Variants in SERP2 observed in about 807,000 individuals in gnomAD.
The protein encoded by SERP2 is stress associated endoplasmic reticulum protein family member 2, also known as stress-associated endoplasmic reticulum protein 2.
Under a neutral mutation model 9.1 loss-of-function variants are expected in SERP2, and 6 were observed. That is an observed-to-expected ratio of 0.66 (90% confidence interval 0.36 to 1.30). The LOEUF (loss-of-function observed/expected upper bound fraction) is 1.30. SERP2 is among the 50% of genes most tolerant of loss of function. The probability of loss-of-function intolerance (pLI) is 0.03; values close to 1 mark genes in which losing one functional copy is unlikely to be tolerated. For missense variants in SERP2, 58 were observed against 81.9 expected, an observed-to-expected ratio of 0.71 and a Z score of 1.13; for synonymous variants, 37 against 27.3, an observed-to-expected ratio of 1.35 and a Z score of -1.10.
In SERP2 at chr13:44,380,447, GC is replaced by G. The variant is rs1331193178; in HGVS notation, c.157+735del. On this transcript the variant is annotated intron_variant, in intron 2 of 2. Transcript: ENST00000379179. The stretch of plus-strand genomic sequence containing the variant: ...GGAGGCAGAAGGTCCACATCTTCCT[GC>G]TCAGGCTTAGGCCTCCCAGCAAGAC... Among the ~76,000 whole-genome samples the G allele has an allele frequency of 2.6e-5, 4 of 152,234 alleles. No homozygotes were observed. The East Asian group carries it at 7.7e-4, about 29-fold the overall frequency.
At position 44,382,124 on chromosome 13, in the gene SERP2, C is replaced by G. The variant is rs141320404; in HGVS notation, c.157+2411C>G. Among the ~76,000 whole-genome samples, 50 of 151,004 alleles carry G rather than the reference C, an allele frequency of 3.3e-4. 1 individual carries two copies. In the East Asian group the frequency reaches 9.5e-3, roughly 29 times the overall value. On this transcript the variant is annotated intron_variant, in intron 2 of 2. Transcript: ENST00000379179. The stretch of plus-strand genomic sequence containing the variant: ...ACTTTATGACTTTTTTTTTTATTCT[C>G]AAAGAAGAACGATTACTTCTATTAA...
At chr13:44,374,164 C>T in intron 1 of SERP2, 55 bp downstream of exon 1, 1 of 285,216 alleles carries the variant, frequency 3.5e-6, no homozygotes. Context: ...CGGGGTGGGG[C>T]GGAAGGTGGG....
intron 2 of SERP2, among the ~76,000 whole-genome samples, chr13:44,391,272 C>T (rs1051634829): frequency 3.3e-5 from 5 of 152,156 alleles, no homozygotes; most frequent in Non-Finnish European, 5.9e-5. Flanking sequence ...ACTTCCCCTT[C>T]GAAGACTGAG....
chr13:44,393,811 T>G (rs1458162395), intron 2 of SERP2, among the ~76,000 whole-genome samples: 1 of 152,192 alleles, frequency 6.6e-6, no homozygotes, highest in Non-Finnish European at 1.5e-5. Context: ...GAATTACAGT[T>G]AATATAATTA....
chr13:44,397,064 G>A (rs1010357541), intron 2 of SERP2, among the ~76,000 whole-genome samples: 4 of 152,208 alleles, frequency 2.6e-5, no homozygotes, highest in South Asian at 4.1e-4. Context: ...ATAAATCCCT[G>A]AGGCATCCAT....
In SERP2 at chr13:44,397,338, C is replaced by A. The variant is rs773849864; in HGVS notation, c.*26C>A. 3 of 1,583,718 alleles carry A rather than the reference C, an allele frequency of 1.9e-6. No individual in the cohort carries two copies. Among genetic ancestry groups the A allele is most frequent in the Non-Finnish European group, 8.7e-7 (1 of 1,152,568 alleles). On this transcript the variant is annotated 3_prime_UTR_variant, in exon 3 of 3. Coordinates refer to ENST00000379179, the MANE Select transcript of SERP2 (RefSeq NM_001010897.3). ...GAAAGCCAGGGATTTGACACCACCT[C>A]CCTCCCACTGGAGGCGGGAGGACAA...
At chr13:44,393,062 C>A (rs1049470016) in intron 2 of SERP2, among the ~76,000 whole-genome samples, 1 of 151,654 alleles carries the variant, frequency 6.6e-6, no homozygotes, top group South Asian at 2.1e-4. Flanking sequence ...AAGTGCCCAG[C>A]GGGGGTGAGC....
At chr13:44,373,757 G>C (rs1159892649), upstream of SERP2, 9 of 425,674 alleles carry the variant, frequency 2.1e-5, no homozygotes, top group Admixed American at 3.9e-4. This position sits in a 1 kb window ranked among gnomAD's most constrained non-coding sequence, Gnocchi z 4.8. Context: ...GGCCGCGCGG[G>C]GTAGGTGGCT....
intron 2 of SERP2, among the ~76,000 whole-genome samples, chr13:44,383,053 C>T (rs1240596438): frequency 2.0e-5 from 3 of 152,126 alleles, no homozygotes; most frequent in African/African-American, 7.2e-5. Context: ...GGTGATTCTG[C>T]ATGGGAACAC....
At chr13:44,396,788 G>A (rs1260941424) in intron 2 of SERP2, among the ~76,000 whole-genome samples, 1 of 152,234 alleles carries the variant, frequency 6.6e-6, no homozygotes, top group Non-Finnish European at 1.5e-5. Context: ...ACGCATGGAG[G>A]GTTCTAGGCA....
chr13:44,374,172 GGGGGCGGGGCC>G, intron 1 of SERP2, 63 bp downstream of exon 1: 104 of 801,026 alleles, frequency 1.3e-4, no homozygotes, highest in Non-Finnish European at 1.7e-4. Flanking sequence ...GGCGGAAGGT[GGGGGCGGGGCC>G]GGGCGGGTAG....
At chr13:44,394,624 AT>A (rs1016577681) in intron 2 of SERP2, among the ~76,000 whole-genome samples, 14 of 152,212 alleles carry the variant, frequency 9.2e-5, no homozygotes, top group African/African-American at 3.4e-4. Context: ...GAGAAGTAAT[AT>A]TTTTGAGCAT....
chr13:44,383,714 AT>A (rs146628198), intron 2 of SERP2, among the ~76,000 whole-genome samples: 2,397 of 137,408 alleles, frequency 0.017, 22 homozygotes, highest in Middle Eastern at 0.045. Flanking sequence ...TGCCCAGCTA[AT>A]TTTTTTTTTT....
At chr13:44,389,285 C>T (rs1229643609) in intron 2 of SERP2, among the ~76,000 whole-genome samples, 1 of 152,162 alleles carries the variant, frequency 6.6e-6, no homozygotes, top group Non-Finnish European at 1.5e-5. Flanking sequence ...AAACCACCTA[C>T]TAGCTATGTA....
chr13:44,391,494 G>T (rs1238497544), intron 2 of SERP2, among the ~76,000 whole-genome samples: 1 of 152,092 alleles, frequency 6.6e-6, no homozygotes, highest in East Asian at 1.9e-4. Flanking sequence ...AAAGAAAGAT[G>T]AGTTAATCAA....
rs760513486 is a variant in SERP2 at position 44,392,196 on chromosome 13, CAAA to C, written c.158-5061_158-5059del. 5.6e-4 allele frequency among the ~76,000 whole-genome samples: 20 copies of C among 35,980 alleles called. 1 individual carries two copies. Among genetic ancestry groups the C allele is most frequent in the East Asian group, 9.6e-4 (1 of 1,044 alleles). The allele number at this position is 35,980 out of a possible 152,430, so 23.6% of individuals were successfully genotyped here. ...CTGGTGACAGAGTGAGACTCTGTCT[CAAA>C]AAAAAAAAAAAAAAGCCCTGTGGTG... On this transcript the variant is annotated intron_variant, in intron 2 of 2. Coordinates refer to ENST00000379179, the MANE Select transcript of SERP2 (RefSeq NM_001010897.3).
chr13:44,391,114 A>G (rs1250381286), intron 2 of SERP2: 1 of 152,174 alleles, frequency 6.6e-6, no homozygotes, highest in African/African-American at 2.4e-5. Flanking sequence ...GCAGGGTTCC[A>G]GCTTTCTGAC....
chr13:44,377,079 C>T (rs2138777610), intron 1 of SERP2, among the ~76,000 whole-genome samples: 1 of 152,182 alleles, frequency 6.6e-6, no homozygotes, highest in South Asian at 2.1e-4. Flanking sequence ...AGTAGTCACC[C>T]AAAGCTGTCA....
At position 44,373,839 on chromosome 13, in the gene SERP2, G is replaced by C. The variant is rs1871450513; in HGVS notation, c.-187G>C. 1.9e-6 allele frequency: 1 copy of C among 535,596 alleles called. No individual in the cohort carries two copies. Among genetic ancestry groups the C allele is most frequent in the African/African-American group, 2.0e-5 (1 of 48,988 alleles). 33.2% of individuals were successfully genotyped at this position (535,596 alleles called of 1,614,324 possible). A position where few individuals can be genotyped will look rare whatever the true frequency, so the allele number is the denominator to read the frequency against. ...ATGAGAGATTACTTCCGTCCGGGCT[G>C]CGGCCTCTCTCTGGAGTCGGCTAGC... is the stretch of plus-strand genomic sequence containing the variant. On this transcript the variant is annotated 5_prime_UTR_variant, in exon 1 of 3. Transcript: ENST00000379179. The surrounding 1 kb of genome is among the most constrained non-coding windows in gnomAD (Gnocchi z 4.8).
Sources: gnomAD v4.1 joint callset for allele counts (sites outside exome capture counted in the v4.1 genomes callset) on GRCh38, gnomAD v4.1.1 for gene constraint, Gnocchi (gnomAD v3.1) non-coding constraint, MANE v1.5 for transcripts, NCBI Gene and HGNC (gene_info 2026-07-23, HGNC 2026-07-21) for gene names.